ARMH3: variants seen among roughly 807,000 people sequenced by gnomAD.
ARMH3 encodes the protein armadillo-like helical domain-containing protein 3.
ARMH3 carries 60 observed loss-of-function variants against 99.1 expected under a neutral mutation model. The ratio of observed to expected loss-of-function variants is 0.61; its 90% CI spans 0.49 to 0.75. The LOEUF is 0.75. ARMH3 is among the 30% of genes least tolerant of loss of function. The probability of loss-of-function intolerance (pLI) is 0.00; values close to 1 mark genes in which losing one functional copy is unlikely to be tolerated. For missense variants in ARMH3, 679 were observed against 843.1 expected (o/e 0.81, Z 2.41); for synonymous variants, 285 against 292.8 (o/e 0.97, Z 0.27).
intron 14 of ARMH3, among the ~76,000 whole-genome samples, chr10:102,004,980 G>A (rs994562968): frequency 3.3e-5 from 5 of 151,964 alleles, no homozygotes; most frequent in South Asian, 4.2e-4. Flanking sequence ...CGAGGCAGGC[G>A]GATCACGAGG....
At chr10:101,893,143 T>C (rs2067733332) in intron 23 of ARMH3, among the ~76,000 whole-genome samples, 1 of 152,056 alleles carries the variant, frequency 6.6e-6, no homozygotes, top group Non-Finnish European at 1.5e-5. Context: ...GAACTGATAA[T>C]CCCACTGATC....
chr10:102,056,006 G>A (rs1021453573), intron 1 of ARMH3, 79 bp downstream of exon 1: 1 of 152,354 alleles, frequency 6.6e-6, no homozygotes, highest in East Asian at 1.9e-4. Flanking sequence ...AACCGCCTCG[G>A]GGCCAAGGCC....
intron 8 of ARMH3, among the ~76,000 whole-genome samples, chr10:102,021,264 T>C (rs537151228): frequency 1.3e-5 from 2 of 151,936 alleles, no homozygotes; most frequent in African/African-American, 4.8e-5. Flanking sequence ...TTTAAAAATA[T>C]AGATGGAGTT....
At chr10:101,989,599 T>G (rs887781033) in intron 19 of ARMH3, among the ~76,000 whole-genome samples, 1 of 152,064 alleles carries the variant, frequency 6.6e-6, no homozygotes, top group Non-Finnish European at 1.5e-5. Flanking sequence ...TGTGCACCTG[T>G]AATCCCAGCT....
chr10:101,911,567 T>C (rs1278539273), intron 23 of ARMH3, among the ~76,000 whole-genome samples: 1 of 152,076 alleles, frequency 6.6e-6, no homozygotes, highest in Non-Finnish European at 1.5e-5. Flanking sequence ...CAAGACTCCA[T>C]CTCTAAAAAA....
intron 23 of ARMH3, among the ~76,000 whole-genome samples, chr10:101,908,226 G>A (rs1209863420): frequency 5.3e-5 from 8 of 152,162 alleles, no homozygotes; most frequent in Non-Finnish European, 8.8e-5. Flanking sequence ...CTGTATTACA[G>A]TACATGTGTT....
chr10:101,874,227 T>C (rs1010192836), intron 24 of ARMH3, among the ~76,000 whole-genome samples: 2 of 152,150 alleles, frequency 1.3e-5, no homozygotes, highest in Non-Finnish European at 2.9e-5. Context: ...ATTGTGGTGG[T>C]GGTTACATAA....
chr10:101,893,133 G>C (rs545244263), intron 23 of ARMH3, among the ~76,000 whole-genome samples: 1 of 152,274 alleles, frequency 6.6e-6, no homozygotes, highest in African/African-American at 2.4e-5. Context: ...CAAGTTTAGA[G>C]AACTGATAAT....
intron 23 of ARMH3, among the ~76,000 whole-genome samples, chr10:101,922,752 G>A (rs1383310648): frequency 6.6e-6 from 1 of 152,126 alleles, no homozygotes; most frequent in Non-Finnish European, 1.5e-5. Flanking sequence ...TCACAAGAAA[G>A]ATGAAGTACA....
chr10:102,023,452 A>G, intron 8 of ARMH3, 25 bp downstream of exon 8: 1 of 1,593,852 alleles, frequency 6.3e-7, no homozygotes, highest in East Asian at 2.2e-5. Flanking sequence ...GCAGATAACA[A>G]CTGTCCACTA....
chr10:102,033,354 T>C lies in ARMH3; in HGVS notation c.103-15A>G, dbSNP rs761623525. ...GGGTCCTCTGTCTGAAACCAGAATA[T>C]AAGCACATTCAGCCTTCCCAGCTAA... On this transcript the variant is annotated splice_polypyrimidine_tract_variant and intron_variant, in intron 2 of 25. Transcript: ENST00000370033. The C allele has an allele frequency of 5.6e-6, 9 of 1,612,664 alleles. No homozygotes were observed. The highest frequency in any genetic ancestry group is 7.6e-6 in the Non-Finnish European group (9 of 1,179,536).
intron 23 of ARMH3, among the ~76,000 whole-genome samples, chr10:101,912,747 C>A (rs540612939): frequency 1.8e-4 from 28 of 152,316 alleles, no homozygotes; most frequent in African/African-American, 6.7e-4. Flanking sequence ...TGTTCCTAAT[C>A]TTAGGGAAAA....
At chr10:101,958,302 C>T (rs1357763427) in intron 20 of ARMH3, among the ~76,000 whole-genome samples, 1 of 152,160 alleles carries the variant, frequency 6.6e-6, no homozygotes, top group East Asian at 1.9e-4. Flanking sequence ...GTGAAGCTTG[C>T]GCTGACCTCT....
chr10:102,036,101 G>A (rs1300127381), intron 2 of ARMH3, among the ~76,000 whole-genome samples: 4 of 149,440 alleles, frequency 2.7e-5, no homozygotes, highest in South Asian at 2.1e-4. Flanking sequence ...CAGCCACCCC[G>A]TCTGGGAGGG....
intron 19 of ARMH3, among the ~76,000 whole-genome samples, chr10:101,976,649 GTATC>G (rs1846026362): frequency 1.3e-5 from 2 of 152,086 alleles, no homozygotes; most frequent in African/African-American, 2.4e-5. Flanking sequence ...TTAACTCTCT[GTATC>G]TATCTGAATG....
At chr10:101,910,638 A>G (rs1842824780) in intron 23 of ARMH3, among the ~76,000 whole-genome samples, 1 of 151,934 alleles carries the variant, frequency 6.6e-6, no homozygotes, top group South Asian at 2.1e-4. Context: ...AGGCTGAGGC[A>G]TAAGAATCGC....
chr10:101,853,740 T>G (rs1254160221), intron 24 of ARMH3, among the ~76,000 whole-genome samples: 1 of 152,144 alleles, frequency 6.6e-6, no homozygotes, highest in East Asian at 1.9e-4. Context: ...ACAGGTCACA[T>G]GCTCTCCAAG....
intron 23 of ARMH3, among the ~76,000 whole-genome samples, chr10:101,890,202 TAGAG>T (rs1366864685): frequency 4.0e-5 from 6 of 151,200 alleles, no homozygotes; most frequent in East Asian, 1.9e-4. Context: ...AAATGATTCA[TAGAG>T]AGAGACAAAT....
intron 24 of ARMH3, among the ~76,000 whole-genome samples, chr10:101,864,051 A>G (rs1035737196): frequency 7.9e-5 from 9 of 113,978 alleles, no homozygotes; most frequent in Admixed American, 6.7e-4. Flanking sequence ...ACAGAGCAAG[A>G]CTCCATCTCA....
Sources: allele counts gnomAD v4.1 joint callset (sites outside exome capture counted in the v4.1 genomes callset), GRCh38; gene constraint gnomAD v4.1.1; transcripts MANE v1.5; gene names NCBI Gene and HGNC (gene_info 2026-07-23, HGNC 2026-07-21).